The following ESRP1 variants were observed in gnomAD, a reference collection of about 807,000 sequenced individuals.
ESRP1 encodes RNA-binding motif protein 35A.
ESRP1 carries 33 observed loss-of-function variants against 81.7 expected under a neutral mutation model. The observed-to-expected ratio is 0.40, with a 90% CI of 0.31 to 0.54. ESRP1 has a LOEUF of 0.54. Among genes scored for constraint, ESRP1 ranks in the 20% least tolerant of loss-of-function variants. The pLI is 0.41. For synonymous variants in ESRP1, 320 were observed against 303.3 expected (o/e 1.06, Z -0.57); for missense variants, 672 against 833.1 (o/e 0.81, Z 2.38).
chr8:94,645,997 G>T (rs3824132), intron 3 of ESRP1, among the ~76,000 whole-genome samples, 171 bp from the exon 4 acceptor site: 88,883 of 151,964 alleles, frequency 0.58, 29,120 homozygotes, highest in South Asian at 0.81. Context: ...CTTGTACATA[G>T]GATCTAATAT....
At chr8:94,647,411 T>C (rs568351229) in intron 4 of ESRP1, among the ~76,000 whole-genome samples, 3 of 152,358 alleles carry the variant, frequency 2.0e-5, no homozygotes, top group East Asian at 3.9e-4. Context: ...ACAAATACCA[T>C]AGACCACGGA....
chr8:94,698,179 C>T (rs1192680011), intron 15 of ESRP1, among the ~76,000 whole-genome samples: 4 of 152,220 alleles, frequency 2.6e-5, no homozygotes, highest in African/African-American at 7.2e-5. Flanking sequence ...CATTATTGTG[C>T]AGCCAGGTAC....
chr8:94,672,291 A>G (rs1177530085), intron 11 of ESRP1, among the ~76,000 whole-genome samples: 1 of 152,208 alleles, frequency 6.6e-6, no homozygotes, highest in Non-Finnish European at 1.5e-5. Flanking sequence ...CCTAGAAAGA[A>G]CAGTATGTGT....
At chr8:94,682,923 TATATATATA>T (rs1439419865) in intron 13 of ESRP1, among the ~76,000 whole-genome samples, 36 of 36,184 alleles carry the variant, frequency 9.9e-4, no homozygotes, top group African/African-American at 4.9e-3. Context: ...TATATATATA[TATATATATA>T]TTTTTTTTTT....
At chr8:94,643,166 C>A in intron 2 of ESRP1, 137 bp from the exon 3 acceptor site, 1 of 580,658 alleles carries the variant, frequency 1.7e-6, no homozygotes, top group Non-Finnish European at 3.2e-6. Flanking sequence ...AGGAGTCTGT[C>A]CAAGGTTGCC....
In ESRP1 at chr8:94,671,537, C is replaced by G. The variant is rs750991584; in HGVS notation, c.1318C>G (p.Pro440Ala). 11 of 1,613,776 alleles carry G rather than the reference C, an allele frequency of 6.8e-6. No homozygotes were observed. Among genetic ancestry groups the G allele is most frequent in the Non-Finnish European group, 9.3e-6 (11 of 1,179,868 alleles). Residue 440 changes from proline (P) to alanine (A), a missense_variant, in exon 11 of 16, where the codon CCT becomes GCT. Pro to Ala is a conservative substitution (Grantham distance 27, BLOSUM62 -1). Transcript: ENST00000433389. Reference protein sequence around the residue: ...IPVLPQQFVPPTNVRDCIRLR... With the variant: ...IPVLPQQFVPATNVRDCIRLR... ...AGTACTACCTCAGCAATTTGTGCCC[C>G]CTACAAATGTTAGAGACTGTATACG... is the stretch of plus-strand genomic sequence containing the variant.
At chr8:94,704,175 CTTTTTT>C (rs34541416) in intron 15 of ESRP1, among the ~76,000 whole-genome samples, 1 of 129,014 alleles carries the variant, frequency 7.8e-6, no homozygotes, top group Non-Finnish European at 1.6e-5. Context: ...GCTTCTGAGA[CTTTTTT>C]TTTTTTTTTT....
At chr8:94,671,394 C>G in intron 10 of ESRP1, 59 bp from the exon 11 acceptor site, 1 of 1,441,602 alleles carries the variant, frequency 6.9e-7, no homozygotes, top group South Asian at 1.3e-5. Context: ...CATTGCTGAT[C>G]TGCAGAAAGC....
chr8:94,661,396 A>G (rs947725859), intron 4 of ESRP1, among the ~76,000 whole-genome samples: 5 of 152,212 alleles, frequency 3.3e-5, no homozygotes, highest in Admixed American at 3.3e-4. Flanking sequence ...ACATAATGCT[A>G]TTGAATACTT....
intron 4 of ESRP1, among the ~76,000 whole-genome samples, chr8:94,657,472 C>CGTGCGTGTGT (rs1554576341): frequency 2.1e-5 from 3 of 146,156 alleles, no homozygotes; most frequent in African/African-American, 5.1e-5. Flanking sequence ...AGGCTGTGTG[C>CGTGCGTGTGT]GTGTGTGTGT....
chr8:94,651,420 A>G (rs1818122881), intron 4 of ESRP1, among the ~76,000 whole-genome samples: 1 of 151,906 alleles, frequency 6.6e-6, no homozygotes, highest in Admixed American at 6.6e-5. Flanking sequence ...ATGGAAGAGG[A>G]CACTAAAACC....
intron 15 of ESRP1, among the ~76,000 whole-genome samples, chr8:94,704,175 C>CTTTTTTTTTT (rs34541416): frequency 7.8e-6 from 1 of 129,010 alleles, no homozygotes; most frequent in African/African-American, 3.0e-5. Context: ...GCTTCTGAGA[C>CTTTTTTTTTT]TTTTTTTTTT....
intron 12 of ESRP1, among the ~76,000 whole-genome samples, chr8:94,674,906 A>C (rs1819516413): frequency 6.6e-6 from 1 of 152,216 alleles, no homozygotes; most frequent in African/African-American, 2.4e-5. Flanking sequence ...TAAGAAGGGC[A>C]GTTTGATGCA....
chr8:94,643,516 A>T, intron 3 of ESRP1, 100 bp downstream of exon 3: 1 of 679,258 alleles, frequency 1.5e-6, no homozygotes, highest in Admixed American at 2.6e-5. Flanking sequence ...GTTCTTAAAA[A>T]GATGCATATA....
intron 14 of ESRP1, among the ~76,000 whole-genome samples, chr8:94,695,348 CTTTTT>C (rs1177357708): frequency 0.012 from 705 of 61,152 alleles, 2 homozygotes; most frequent in Middle Eastern, 0.05. Flanking sequence ...CTTTTTCTTT[CTTTTT>C]TTTTTTTTTT....
At chr8:94,697,680 CTGTTTT>C (rs1433115284) in intron 15 of ESRP1, among the ~76,000 whole-genome samples, 4 of 152,184 alleles carry the variant, frequency 2.6e-5, no homozygotes, top group African/African-American at 9.6e-5. Context: ...ATTTGAATAT[CTGTTTT>C]TAATTATCTT....
intron 6 of ESRP1, 111 bp downstream of exon 6, chr8:94,662,666 G>T (rs1231296114): frequency 6.9e-6 from 6 of 870,632 alleles, no homozygotes; most frequent in Non-Finnish European, 1.0e-5. Flanking sequence ...GGAGTGCAGT[G>T]GCACGATCTC....
In ESRP1 at chr8:94,641,998, G is replaced by C. The variant is rs773900197; in HGVS notation, c.175G>C (p.Glu59Gln). ...HEVLVRPDQL[E>Q]LTEDCKEETK... ...AGTGCTAGTTAGACCGGATCAGTTGGAACTGACGGAGGACTGCAAAGAAGA... is the reference window on the plus strand; with the variant it reads ...AGTGCTAGTTAGACCGGATCAGTTGCAACTGACGGAGGACTGCAAAGAAGA... The change falls in exon 2 of 16, where the codon GAA becomes CAA. Residue 59 changes from glutamate to glutamine, a missense_variant. By Grantham distance (29) the Glu-to-Gln change is conservative. Coordinates refer to ENST00000433389, the MANE Select transcript of ESRP1 (RefSeq NM_017697.4). 263 of 1,613,916 alleles carry C rather than the reference G, an allele frequency of 1.6e-4. No homozygotes were observed. Among genetic ancestry groups the C allele is most frequent in the Middle Eastern group, 4.9e-4 (3 of 6,076 alleles).
At chr8:94,657,579 G>A (rs116662880) in intron 4 of ESRP1, among the ~76,000 whole-genome samples, 86 of 151,790 alleles carry the variant, frequency 5.7e-4, no homozygotes, top group African/African-American at 1.8e-3. Flanking sequence ...CACTCATCCT[G>A]GTGTGACGCT....
Sources: allele counts gnomAD v4.1 joint callset (sites outside exome capture counted in the v4.1 genomes callset), GRCh38; gene constraint gnomAD v4.1.1; transcripts MANE v1.5; gene names NCBI Gene and HGNC (gene_info 2026-07-23, HGNC 2026-07-21).